The following EEA1 variants were observed in gnomAD, a reference collection of about 807,000 sequenced individuals.
EEA1 encodes the protein early endosome antigen 1, 162kD.
EEA1 carries 111 observed loss-of-function variants against 209.2 expected under a neutral mutation model. That is an observed-to-expected ratio of 0.53 (90% CI 0.45 to 0.62). The LOEUF is 0.62. EEA1 is among the 20% of genes least tolerant of loss of function. The pLI is 0.00. For synonymous variants in EEA1, 536 were observed against 540.6 expected, an observed-to-expected ratio of 0.99 and a Z score of 0.12; for missense variants, 1,343 against 1,530.8, an observed-to-expected ratio of 0.88 and a Z score of 2.05.
At chr12:92,924,840 T>TAA (rs58741191) in intron 1 of EEA1, among the ~76,000 whole-genome samples, 14 of 74,498 alleles carry the variant, frequency 1.9e-4, no homozygotes, top group Middle Eastern at 8.1e-3. Context: ...CCTAACATGC[T>TAA]AAAAAAAAAA....
chr12:92,816,366 G>T lies in EEA1; in HGVS notation c.1763C>A (p.Ser588Ter). Residue 588 changes from serine (S) to a stop codon, truncating the protein, a stop_gained, in exon 15 of 29, where the codon TCA becomes TAA. Transcript: ENST00000322349. LOFTEE classifies it high-confidence loss of function. ...CTCCTGGGCTTGTTTATGACTTTCT[G>T]ACTGATTCTTCAGCTTCTCTGTTAG... is the stretch of plus-strand genomic sequence containing the variant. ...TQLTEKLKNQ[S>*]ESHKQAQENL... The T allele has an allele frequency of 6.2e-7, 1 of 1,613,786 alleles. No homozygotes were observed. Among genetic ancestry groups the T allele is most frequent in the South Asian group, 1.1e-5 (1 of 91,040 alleles).
chr12:92,796,257 G>T (rs960866145), intron 21 of EEA1, among the ~76,000 whole-genome samples: 2 of 151,988 alleles, frequency 1.3e-5, no homozygotes, highest in African/African-American at 4.8e-5. Flanking sequence ...GTTGGTGAGG[G>T]ATTGTTGACT....
At chr12:92,912,001 C>T (rs1880599927) in intron 1 of EEA1, among the ~76,000 whole-genome samples, 1 of 152,118 alleles carries the variant, frequency 6.6e-6, no homozygotes, top group Non-Finnish European at 1.5e-5. Flanking sequence ...AACCAAATAG[C>T]CCTGGTTGAT....
chr12:92,880,583 T>A (rs1879093050), intron 2 of EEA1, among the ~76,000 whole-genome samples: 1 of 152,102 alleles, frequency 6.6e-6, no homozygotes, highest in Non-Finnish European at 1.5e-5. Flanking sequence ...CTCACCACTC[T>A]CCTGCCTCAG....
chr12:92,853,021 T>G lies in EEA1; in HGVS notation c.411A>C (p.Leu137=), dbSNP rs759635257. 1 of 1,587,392 alleles carries G rather than the reference T, an allele frequency of 6.3e-7. No individual in the cohort carries two copies. The highest frequency in any genetic ancestry group is 1.7e-5 in the Admixed American group (1 of 57,492). Residue 137 remains leucine (L), a synonymous_variant, in exon 7 of 29, where the codon CTA becomes CTC. Coordinates refer to ENST00000322349, the MANE Select transcript of EEA1 (RefSeq NM_003566.4). The stretch of plus-strand genomic sequence containing the variant: ...CTTCTAATTGCTGTTCCAAAGACTG[T>G]AGTTCTACAAAAAAGTGTCGCAGTT... ...DGLVTDSSAE[L]QSLEQQLEEA...
intron 10 of EEA1, among the ~76,000 whole-genome samples, chr12:92,841,268 A>G (rs1877151274): frequency 2.6e-5 from 4 of 152,168 alleles, no homozygotes; most frequent in Admixed American, 2.6e-4. Flanking sequence ...CCATGTATAA[A>G]AGAATAAAAT....
chr12:92,899,363 A>C (rs1409356399), intron 1 of EEA1, among the ~76,000 whole-genome samples: 1 of 152,254 alleles, frequency 6.6e-6, no homozygotes, highest in Non-Finnish European at 1.5e-5. Flanking sequence ...CAGGCTTTAG[A>C]GAGGCTGCAC....
chr12:92,780,486 T>G, intron 23 of EEA1, 75 bp from the exon 24 acceptor site: 3 of 1,067,026 alleles, frequency 2.8e-6, no homozygotes, highest in South Asian at 1.8e-5. Context: ...TAAAAATGAC[T>G]GCTACTATTG....
At chr12:92,855,222 G>A (rs1301776250) in intron 5 of EEA1, among the ~76,000 whole-genome samples, 1 of 152,198 alleles carries the variant, frequency 6.6e-6, no homozygotes, top group Non-Finnish European at 1.5e-5. Flanking sequence ...GAGGTCAGGA[G>A]ATCGAGACCA....
intron 9 of EEA1, among the ~76,000 whole-genome samples, chr12:92,843,450 C>T (rs1877259227): frequency 6.6e-6 from 1 of 152,090 alleles, no homozygotes; most frequent in Admixed American, 6.5e-5. Context: ...TGAGCCCAGC[C>T]CATTTTAATA....
At chr12:92,877,429 G>C (rs1476244886) in intron 2 of EEA1, among the ~76,000 whole-genome samples, 1 of 152,162 alleles carries the variant, frequency 6.6e-6, no homozygotes, top group African/African-American at 2.4e-5. Context: ...ATGATTGATG[G>C]TAGTCTGTGT....
intron 2 of EEA1, among the ~76,000 whole-genome samples, chr12:92,878,264 C>G (rs760594903): frequency 1.2e-4 from 19 of 152,010 alleles, no homozygotes; most frequent in Admixed American, 6.6e-4. Context: ...AATTTCCATA[C>G]AGCTACCTTT....
intron 12 of EEA1, 48 bp downstream of exon 12, chr12:92,827,864 T>C (rs1876391532): frequency 1.4e-6 from 2 of 1,456,532 alleles, no homozygotes; most frequent in Non-Finnish European, 1.8e-6. Context: ...ATCATAATCA[T>C]GTTAAAGATG....
intron 21 of EEA1, 116 bp downstream of exon 21, chr12:92,798,776 A>C: frequency 2.9e-6 from 2 of 692,058 alleles, no homozygotes; most frequent in Non-Finnish European, 4.4e-6. Flanking sequence ...CTTAGAAAAA[A>C]ATTAGCTTAT....
intron 18 of EEA1, 125 bp from the exon 19 acceptor site, chr12:92,802,859 T>C: frequency 1.4e-6 from 1 of 692,078 alleles, no homozygotes; most frequent in Non-Finnish European, 2.2e-6. Context: ...CAAGTAAAAA[T>C]AATTTAATTT....
chr12:92,928,916 A>T (rs1369611014), intron 1 of EEA1, 127 bp downstream of exon 1: 1 of 1,008,414 alleles, frequency 9.9e-7, no homozygotes. Context: ...CCGAGGCCTA[A>T]GCGCCTGCCG....
chr12:92,826,675 A>G, intron 12 of EEA1, among the ~76,000 whole-genome samples: 1 of 149,986 alleles, frequency 6.7e-6, no homozygotes, highest in East Asian at 2.0e-4. Flanking sequence ...AGATTGCGCC[A>G]CTGCACTCCA....
At chr12:92,888,316 T>C (rs6538363) in intron 2 of EEA1, among the ~76,000 whole-genome samples, 145,942 of 152,294 alleles carry the variant, frequency 0.96, 69,978 homozygotes, top group East Asian at 1. Flanking sequence ...CGCAGTGGCT[T>C]ACGCCTGTAA....
chr12:92,909,773 T>C (rs1880509676), intron 1 of EEA1, among the ~76,000 whole-genome samples: 2 of 152,092 alleles, frequency 1.3e-5, no homozygotes, highest in Admixed American at 6.5e-5. Flanking sequence ...TCCCAGCACT[T>C]TGGGAGGCCG....
Sources: gnomAD v4.1 joint callset for allele counts (sites outside exome capture counted in the v4.1 genomes callset) on GRCh38, gnomAD v4.1.1 for gene constraint, MANE v1.5 for transcripts, NCBI Gene and HGNC (gene_info 2026-07-23, HGNC 2026-07-21) for gene names.